CACNA1C: variants seen among roughly 807,000 people sequenced by gnomAD.
CACNA1C encodes calcium voltage-gated channel subunit alpha1 C.
CACNA1C carries 30 observed loss-of-function variants against 229.0 expected under a neutral mutation model. The observed-to-expected ratio is 0.13, with a 90% CI of 0.10 to 0.18. The LOEUF (loss-of-function observed/expected upper bound fraction) is 0.18, where lower values mean the gene tolerates loss of function less well. Ranked by LOEUF, CACNA1C falls within the 10% of genes least tolerant of loss-of-function variation. The pLI is 1.00. For synonymous variants in CACNA1C, 1,114 were observed against 1,132.5 expected, an observed-to-expected ratio of 0.98 and a Z score of 0.33; for missense variants, 1,658 against 2,845.0, an observed-to-expected ratio of 0.58 and a Z score of 9.49.
chr12:2,258,434 A>T (rs1306472396), intron 3 of CACNA1C, among the ~76,000 whole-genome samples: 23 of 151,212 alleles, frequency 1.5e-4, no homozygotes, highest in Non-Finnish European at 1.8e-4. Context: ...TTTTTTTTTT[A>T]AATGTGAAAT....
In CACNA1C at chr12:2,486,477, G is replaced by A. The variant is rs1472026717; in HGVS notation, c.916+215G>A. ...TTAATCTCTGTTAAACCGGCCTAAC[G>A]CAAACTTCGTTCAGCACTTTTCAAT... On this transcript the variant is annotated intron_variant, in intron 6 of 46. Transcript: ENST00000399655. The surrounding 1 kb of genome is among the most constrained non-coding windows in gnomAD (Gnocchi z 4.9). Among the ~76,000 whole-genome samples the A allele has an allele frequency of 5.3e-5, 8 of 152,138 alleles. No homozygotes were observed. Among genetic ancestry groups the A allele is most frequent in the African/African-American group, 1.7e-4 (7 of 41,426 alleles).
At chr12:2,062,014 G>C (rs1378857041) in intron 1 of CACNA1C, among the ~76,000 whole-genome samples, 1 of 152,194 alleles carries the variant, frequency 6.6e-6, no homozygotes, top group African/African-American at 2.4e-5. Flanking sequence ...ATTAGTTTTA[G>C]TTTCCCAAAG....
chr12:2,271,291 A>G (rs1384740057), intron 3 of CACNA1C, among the ~76,000 whole-genome samples: 1 of 152,220 alleles, frequency 6.6e-6, no homozygotes. Context: ...CTGTAGGTTT[A>G]AGTCCAAGGT....
At chr12:2,582,331 T>C (rs902490744) in intron 14 of CACNA1C, among the ~76,000 whole-genome samples, 4 of 152,200 alleles carry the variant, frequency 2.6e-5, no homozygotes, top group African/African-American at 9.7e-5. Flanking sequence ...CATAGATATT[T>C]TGGCTTAGGG....
At chr12:2,623,339 C>T (rs958724533) in intron 29 of CACNA1C, among the ~76,000 whole-genome samples, 1 of 152,070 alleles carries the variant, frequency 6.6e-6, no homozygotes, top group African/African-American at 2.4e-5. Context: ...TCCTGAGTGC[C>T]CCCACGAGCC....
intron 3 of CACNA1C, among the ~76,000 whole-genome samples, chr12:2,170,944 G>A (rs966047688): frequency 6.6e-6 from 1 of 152,230 alleles, no homozygotes; most frequent in Non-Finnish European, 1.5e-5. Flanking sequence ...CTTGGAGGCA[G>A]GGAGAAGGGC....
chr12:2,091,416 A>G (rs755191301), intron 1 of CACNA1C, among the ~76,000 whole-genome samples: 59 of 152,226 alleles, frequency 3.9e-4, no homozygotes, highest in Non-Finnish European at 7.2e-4. Context: ...GATGTCTAAA[A>G]TGGGTCTGCA....
At chr12:2,032,735 C>T (rs1231514689) in intron 1 of CACNA1C, among the ~76,000 whole-genome samples, 1 of 152,208 alleles carries the variant, frequency 6.6e-6, no homozygotes, top group Non-Finnish European at 1.5e-5. Context: ...CTGGAGCTAA[C>T]AACTGTGCTG....
At chr12:2,454,367 C>T (rs2099403269) in intron 4 of CACNA1C, among the ~76,000 whole-genome samples, 1 of 152,052 alleles carries the variant, frequency 6.6e-6, no homozygotes, top group Non-Finnish European at 1.5e-5. Flanking sequence ...AACATCCTAC[C>T]CTCTAACCAG....
At position 2,693,289 on chromosome 12, in the gene CACNA1C, C is replaced by T. The variant is rs2097806595; in HGVS notation, c.*2090C>T. Reference sequence around the variant, plus strand: ...AGGCGTTCTGATGAGCCCTCAGTCACTGGGCCGTCATCCGCATCCCCCATG... The same window carrying T: ...AGGCGTTCTGATGAGCCCTCAGTCATTGGGCCGTCATCCGCATCCCCCATG... On this transcript the variant is annotated 3_prime_UTR_variant, in exon 47 of 47. Transcript: ENST00000399655. 1 of 152,222 alleles carries T rather than the reference C, an allele frequency of 6.6e-6. No individual in the cohort carries two copies. The highest frequency in any genetic ancestry group is 1.5e-5 in the Non-Finnish European group (1 of 68,054). 9.4% of individuals were successfully genotyped at this position (152,222 alleles called of 1,614,324 possible).
intron 3 of CACNA1C, among the ~76,000 whole-genome samples, chr12:2,387,178 T>A (rs1377540533): frequency 1.3e-5 from 2 of 152,146 alleles, no homozygotes; most frequent in African/African-American, 4.8e-5. Context: ...AGGAGGTGAC[T>A]CAGATGATTA....
intron 3 of CACNA1C, among the ~76,000 whole-genome samples, chr12:2,277,354 G>GACAC (rs2088947130): frequency 6.9e-5 from 6 of 87,180 alleles, no homozygotes; most frequent in Admixed American, 6.6e-4. Context: ...CAGACAGACA[G>GACAC]ACAGACAGAC....
In CACNA1C at chr12:2,207,016, G is replaced by C. The variant is rs546134705; in HGVS notation, c.477+86586G>C. On this transcript the variant is annotated intron_variant, in intron 3 of 46. Coordinates refer to ENST00000399655, the MANE Select transcript of CACNA1C (RefSeq NM_000719.7). ...AGTTACATTTCAAGTACAGTTGATAGAATGTGGGAATCTCTTGTGGGTGTT... is the reference window on the plus strand; with the variant it reads ...AGTTACATTTCAAGTACAGTTGATACAATGTGGGAATCTCTTGTGGGTGTT... 2.0e-3 allele frequency among the ~76,000 whole-genome samples: 306 copies of C among 152,306 alleles called. 1 individual carries two copies. The highest frequency in any genetic ancestry group is 3.7e-3 in the Non-Finnish European group (252 of 68,024).
intron 1 of CACNA1C, among the ~76,000 whole-genome samples, chr12:2,093,558 T>C (rs563951373): frequency 6.6e-6 from 1 of 152,368 alleles, no homozygotes; most frequent in East Asian, 1.9e-4. Context: ...CTCGTGTACC[T>C]GCGTGCATGT....
chr12:2,241,792 T>G (rs555419052), intron 3 of CACNA1C, among the ~76,000 whole-genome samples: 5 of 152,338 alleles, frequency 3.3e-5, no homozygotes, highest in Admixed American at 3.3e-4. Flanking sequence ...AAGTGGAGAT[T>G]TTTTGTTATG....
At chr12:2,435,954 C>T (rs116446248) in intron 3 of CACNA1C, among the ~76,000 whole-genome samples, 1,917 of 152,238 alleles carry the variant, frequency 0.013, 45 homozygotes, top group African/African-American at 0.043. Flanking sequence ...AAAAGGAGAC[C>T]GAGAGGCTGG....
At chr12:2,002,867 T>C (rs1283778007) in intron 1 of CACNA1C, among the ~76,000 whole-genome samples, 1 of 152,176 alleles carries the variant, frequency 6.6e-6, no homozygotes, top group Non-Finnish European at 1.5e-5. Context: ...TTGCTCAATG[T>C]TCTTTATGTA....
At chr12:2,515,379 C>T (rs185398900) in intron 9 of CACNA1C, among the ~76,000 whole-genome samples, 1 of 152,306 alleles carries the variant, frequency 6.6e-6, no homozygotes, top group Admixed American at 6.5e-5. Context: ...GACAGTGGCT[C>T]AGAAACTATC....
intron 3 of CACNA1C, among the ~76,000 whole-genome samples, chr12:2,345,780 G>A (rs1205695849): frequency 6.6e-6 from 1 of 152,112 alleles, no homozygotes; most frequent in Non-Finnish European, 1.5e-5. Flanking sequence ...TGAATGGGGT[G>A]GGTCATATGG....
Sources: allele counts gnomAD v4.1 joint callset (sites outside exome capture counted in the v4.1 genomes callset), GRCh38; gene constraint gnomAD v4.1.1; non-coding constraint Gnocchi (gnomAD v3.1); transcripts MANE v1.5; gene names NCBI Gene and HGNC (gene_info 2026-07-23, HGNC 2026-07-21).